The following ZNF253 variants were observed in gnomAD, a reference collection of about 807,000 sequenced individuals.
The protein encoded by ZNF253 is zinc finger protein 253, also known as DNA-binding protein.
In ZNF253, 8 loss-of-function variants were observed where a neutral mutation model predicts 11.9. That is an observed-to-expected ratio of 0.67 (90% CI 0.40 to 1.22). ZNF253 has a LOEUF of 1.22. Ranked by LOEUF, ZNF253 falls within the 50% of genes most tolerant of loss-of-function variation. The pLI is 0.01. For synonymous variants in ZNF253, 194 were observed against 194.9 expected, an observed-to-expected ratio of 1.00 and a Z score of 0.04; for missense variants, 485 against 586.9, an observed-to-expected ratio of 0.83 and a Z score of 1.79.
rs200200050 is a variant in ZNF253 at position 19,875,490 on chromosome 19, G to T, written c.4-2991G>T. Among the ~76,000 whole-genome samples, 4 of 151,792 alleles carry T rather than the reference G, an allele frequency of 2.6e-5. No homozygotes were observed. In the East Asian group the frequency reaches 5.8e-4, roughly 22 times the overall value. On this transcript the variant is annotated intron_variant, in intron 1 of 3. Coordinates refer to ENST00000589717, the MANE Select transcript of ZNF253 (RefSeq NM_021047.3). ...GGCTCACTGCAAGCTCTGCCTCCTG[G>T]GTTCACGCCATTCTCCTGCCTCAGC...
chr19:19,869,908 T>C (rs1254311643), intron 1 of ZNF253, among the ~76,000 whole-genome samples: 1 of 151,618 alleles, frequency 6.6e-6, no homozygotes, highest in Admixed American at 6.6e-5. Flanking sequence ...TGACCTCAGG[T>C]GATGCACCTG....
intron 1 of ZNF253, among the ~76,000 whole-genome samples, chr19:19,870,391 CAAAAAA>C (rs1045415774): frequency 3.4e-4 from 26 of 76,854 alleles, no homozygotes; most frequent in African/African-American, 1.2e-3. Context: ...GATTGTGTCT[CAAAAAA>C]AAAAAAAAAA....
chr19:19,880,199 T>G, intron 3 of ZNF253, 53 bp downstream of exon 3: 1 of 1,372,052 alleles, frequency 7.3e-7, no homozygotes, highest in Non-Finnish European at 1.0e-6. Context: ...AAGGTCCCAA[T>G]GTCAAAGAGA....
intron 3 of ZNF253, among the ~76,000 whole-genome samples, chr19:19,886,613 G>T (rs572753273): frequency 2.0e-5 from 3 of 152,046 alleles, no homozygotes; most frequent in African/African-American, 7.2e-5. Flanking sequence ...AAAGAACCTG[G>T]GTCCTTCACC....
At chr19:19,877,031 C>CT (rs2063158725) in intron 1 of ZNF253, among the ~76,000 whole-genome samples, 1 of 152,110 alleles carries the variant, frequency 6.6e-6, no homozygotes, top group African/African-American at 2.4e-5. Flanking sequence ...CGTGGATACT[C>CT]AAGATTTCTA....
chr19:19,878,879 T>C (rs2063166276), intron 2 of ZNF253, among the ~76,000 whole-genome samples: 1 of 152,122 alleles, frequency 6.6e-6, no homozygotes, highest in Non-Finnish European at 1.5e-5. Flanking sequence ...ACGCTAGAGG[T>C]GATGGATACC....
Position 19,877,674 on chromosome 19 carries a change from C to T in ZNF253, c.4-807C>T, listed in dbSNP as rs1368718816. Among the ~76,000 whole-genome samples, 6 of 151,964 alleles carry T rather than the reference C, an allele frequency of 3.9e-5. No individual in the cohort carries two copies. In the East Asian group the frequency reaches 5.8e-4, roughly 15 times the overall value. On this transcript the variant is annotated intron_variant, in intron 1 of 3. Coordinates refer to ENST00000589717, the MANE Select transcript of ZNF253 (RefSeq NM_021047.3). Reference sequence around the variant, plus strand: ...ACAGGCGTGAGCCACCATGCCTGGCCGATGCTGTGTTCTTCTGTGTGAATT... The same window carrying T: ...ACAGGCGTGAGCCACCATGCCTGGCTGATGCTGTGTTCTTCTGTGTGAATT...
chr19:19,871,863 G>C (rs964764821), intron 1 of ZNF253, among the ~76,000 whole-genome samples: 1 of 151,986 alleles, frequency 6.6e-6, no homozygotes, highest in Non-Finnish European at 1.5e-5. Flanking sequence ...TTTAATTATT[G>C]TTTCCAAACA....
intron 1 of ZNF253, 134 bp downstream of exon 1, chr19:19,866,133 C>T: frequency 8.4e-7 from 1 of 1,185,428 alleles, no homozygotes; most frequent in Admixed American, 2.0e-5. Context: ...CCAGCTCGGC[C>T]TCAGTCCCCT....
intron 3 of ZNF253, among the ~76,000 whole-genome samples, chr19:19,891,133 C>T (rs180954962): frequency 1.3e-5 from 2 of 152,250 alleles, no homozygotes; most frequent in East Asian, 1.9e-4. Flanking sequence ...AGCCACCATG[C>T]CCAACTGGCA....
chr19:19,891,614 A>C lies in ZNF253; in HGVS notation c.367A>C (p.Lys123Gln). 1 of 1,614,170 alleles carries C rather than the reference A, an allele frequency of 6.2e-7. No individual in the cohort carries two copies. The highest frequency in any genetic ancestry group is 8.5e-7 in the Non-Finnish European group (1 of 1,180,018). ...AGGCTGTAAAAGCGTGGGTGAGCAT[A>C]AGGTGCACAAAGGAGGTTATAATGG... ...KKGCKSVGEH[K>Q]VHKGGYNGLN... Residue 123 changes from lysine to glutamine, a missense_variant, in exon 4 of 4, where the codon AAG becomes CAG. Around this residue, in one of 3 missense-constraint regions of ZNF253, gnomAD observed 218 missense variants for 213.1 expected, o/e 1.02. Transcript: ENST00000589717.
At chr19:19,888,524 A>T (rs2063215851) in intron 3 of ZNF253, among the ~76,000 whole-genome samples, 1 of 150,432 alleles carries the variant, frequency 6.6e-6, no homozygotes, top group Non-Finnish European at 1.5e-5. Flanking sequence ...TATCTAGGGG[A>T]TTACATAAAA....
chr19:19,879,317 A>G (rs1354767899), intron 2 of ZNF253, among the ~76,000 whole-genome samples: 2 of 152,226 alleles, frequency 1.3e-5, no homozygotes, highest in Non-Finnish European at 2.9e-5. Context: ...TAATATACAA[A>G]TTTGATACTT....
Position 19,878,475 on chromosome 19 carries a change from T to A in ZNF253, c.4-6T>A. On this transcript the variant is annotated splice_region_variant and splice_polypyrimidine_tract_variant and intron_variant, in intron 1 of 3. Coordinates refer to ENST00000589717, the MANE Select transcript of ZNF253 (RefSeq NM_021047.3). ...TAGTAATTATGTGTGTGTGTGTGTTTTCCAGGGACCATTGCAATTTAGAGA... is the reference window on the plus strand; with the variant it reads ...TAGTAATTATGTGTGTGTGTGTGTTATCCAGGGACCATTGCAATTTAGAGA... 6.2e-7 allele frequency: 1 copy of A among 1,613,940 alleles called. No homozygotes were observed. The highest frequency in any genetic ancestry group is 8.5e-7 in the Non-Finnish European group (1 of 1,179,926).
rs1385778458 is a variant in ZNF253, at chr19:19,865,961, C to T, written c.-36C>T. ...GTGTGACCTGCAAGTATTGGGAGAG[C>T]CACAGCTAAACCCCGGGACCCCTGG... On this transcript the variant is annotated 5_prime_UTR_variant, in exon 1 of 4. Transcript: ENST00000589717. 13 of 1,614,142 alleles carry T rather than the reference C, an allele frequency of 8.1e-6. No homozygotes were observed. Among genetic ancestry groups the T allele is most frequent in the Non-Finnish European group, 1.1e-5 (13 of 1,180,008 alleles).
intron 1 of ZNF253, 107 bp from the exon 2 acceptor site, chr19:19,878,374 T>G: frequency 6.3e-7 from 1 of 1,576,846 alleles, no homozygotes; most frequent in South Asian, 1.1e-5. Flanking sequence ...TTTTAGGCAG[T>G]CCTTTGAGTC....
At chr19:19,870,626 G>A (rs924430812) in intron 1 of ZNF253, 21 of 152,206 alleles carry the variant, frequency 1.4e-4, no homozygotes, top group African/African-American at 4.1e-4. Flanking sequence ...GACAGGTGAT[G>A]TGGCCACCCA....
Position 19,891,997 on chromosome 19 carries a change from T to C in ZNF253, c.750T>C (p.His250=), listed in dbSNP as rs2063232817. 1 of 1,613,876 alleles carries C rather than the reference T, an allele frequency of 6.2e-7. No homozygotes were observed. The highest frequency in any genetic ancestry group is 8.5e-7 in the Non-Finnish European group (1 of 1,179,986). ...SSNLTTHKKI[H]TGEKPYKCEE... ...ACCTTACTACACATAAGAAAATTCATACTGGAGAGAAACCCTACAAATGTG... is the reference window on the plus strand; with the variant it reads ...ACCTTACTACACATAAGAAAATTCACACTGGAGAGAAACCCTACAAATGTG... The change falls in exon 4 of 4, where the codon CAT becomes CAC. Residue 250 remains histidine, a synonymous_variant. Transcript: ENST00000589717.
At position 19,885,205 on chromosome 19, in the gene ZNF253, CT is replaced by C. The variant is rs886334091; in HGVS notation, c.226+5067del. Among the ~76,000 whole-genome samples the C allele has an allele frequency of 1.3e-3, 197 of 149,882 alleles. 4 individuals carry two copies. The highest frequency in any genetic ancestry group is 4.4e-3 in the African/African-American group (179 of 40,828). The stretch of plus-strand genomic sequence containing the variant: ...AATGGTGCCAAGACCAATGTCATGT[CT>C]TTTTTTTGTATTCTTTCTTTCTTTC... On this transcript the variant is annotated intron_variant, in intron 3 of 3. Transcript: ENST00000589717.
Sources: gnomAD v4.1 joint callset for allele counts (sites outside exome capture counted in the v4.1 genomes callset) on GRCh38, gnomAD v4.1.1 for gene constraint, gnomAD v4.1.1 regional missense constraint, MANE v1.5 for transcripts, NCBI Gene and HGNC (gene_info 2026-07-23, HGNC 2026-07-21) for gene names.